Variants in STPG2 observed in about 807,000 individuals in gnomAD.
The protein encoded by STPG2 is sperm tail PG-rich repeat containing 2.
In STPG2, 56 loss-of-function variants were observed where a neutral mutation model predicts 54.2. The ratio of observed to expected loss-of-function variants is 1.03; its 90% CI spans 0.83 to 1.29. STPG2 has a LOEUF of 1.29. STPG2 is among the 50% of genes most tolerant of loss of function. The pLI is 0.00. For synonymous variants in STPG2, 200 were observed against 181.8 expected (o/e 1.10, Z -0.81); for missense variants, 596 against 544.9 (o/e 1.09, Z -0.93).
At chr4:97,447,901 G>T (rs1729266703) in intron 4 of STPG2, among the ~76,000 whole-genome samples, 1 of 152,130 alleles carries the variant, frequency 6.6e-6, no homozygotes, top group South Asian at 2.1e-4. Context: ...AGAATAGTAG[G>T]TCTACTGACA....
chr4:98,042,979 G>C (rs1219853477), intron 5 of STPG2, among the ~76,000 whole-genome samples: 3 of 151,922 alleles, frequency 2.0e-5, no homozygotes, highest in African/African-American at 7.2e-5. Context: ...TATCATTTCA[G>C]ATCTGTCAAT....
chr4:97,540,746 C>T (rs1731677768), intron 4 of STPG2, among the ~76,000 whole-genome samples: 1 of 152,132 alleles, frequency 6.6e-6, no homozygotes. Context: ...CTGAATCCAG[C>T]AGCACATCAA....
chr4:97,650,336 G>A (rs1480442283), intron 10 of STPG2, among the ~76,000 whole-genome samples: 1 of 152,136 alleles, frequency 6.6e-6, no homozygotes, highest in East Asian at 1.9e-4. Context: ...TAAAATATTT[G>A]AAGAGATTTA....
chr4:97,711,539 T>C (rs1486698294), intron 10 of STPG2, among the ~76,000 whole-genome samples: 2 of 152,208 alleles, frequency 1.3e-5, no homozygotes, highest in African/African-American at 4.8e-5. Context: ...CATTAGTCTT[T>C]GTCTTTTGGA....
At chr4:97,911,553 C>T (rs757130025) in intron 8 of STPG2, among the ~76,000 whole-genome samples, 39 of 152,208 alleles carry the variant, frequency 2.6e-4, no homozygotes, top group Admixed American at 1.9e-3. Context: ...CACAACACAG[C>T]ACAGCTGCTG....
intron 10 of STPG2, among the ~76,000 whole-genome samples, chr4:97,585,872 T>C (rs1732985197): frequency 6.6e-6 from 1 of 151,494 alleles, no homozygotes; most frequent in Non-Finnish European, 1.5e-5. Context: ...GACTGTCTGC[T>C]AAAATAAAAA....
intron 10 of STPG2, among the ~76,000 whole-genome samples, chr4:97,646,872 A>G (rs933824994): frequency 6.6e-6 from 1 of 152,068 alleles, no homozygotes. Flanking sequence ...AACTGCACCA[A>G]ACTTTTCTGA....
At chr4:97,739,880 T>G (rs1050620956) in intron 9 of STPG2, among the ~76,000 whole-genome samples, 8 of 152,228 alleles carry the variant, frequency 5.3e-5, no homozygotes, top group African/African-American at 1.9e-4. Context: ...AGCATCATCC[T>G]GATACCAAAG....
chr4:97,897,672 G>C (rs571346940), intron 8 of STPG2, among the ~76,000 whole-genome samples: 36 of 150,236 alleles, frequency 2.4e-4, no homozygotes, highest in African/African-American at 8.0e-4. Flanking sequence ...GTTGAGCTCT[G>C]TTTCATGTGA....
At chr4:97,477,643 A>ATTTTTTTTT (rs561080941) in intron 4 of STPG2, among the ~76,000 whole-genome samples, 1 of 141,204 alleles carries the variant, frequency 7.1e-6, no homozygotes, top group Non-Finnish European at 1.6e-5. Context: ...TGCCCGGCTA[A>ATTTTTTTTT]TTTTTTTTTT....
chr4:97,666,245 G>A (rs1201929521), intron 10 of STPG2, among the ~76,000 whole-genome samples: 1 of 152,156 alleles, frequency 6.6e-6, no homozygotes, highest in African/African-American at 2.4e-5. Flanking sequence ...CATGAACCAT[G>A]CAGCCCCTGC....
At chr4:97,954,899 T>C (rs994361129) in intron 7 of STPG2, among the ~76,000 whole-genome samples, 2 of 152,132 alleles carry the variant, frequency 1.3e-5, no homozygotes, top group Admixed American at 6.5e-5. Context: ...AACAGACTAA[T>C]GGATGATCCA....
intron 8 of STPG2, among the ~76,000 whole-genome samples, chr4:97,890,521 G>A (rs930183626): frequency 4.0e-5 from 6 of 151,436 alleles, no homozygotes; most frequent in African/African-American, 1.5e-4. Context: ...AGCTTAAAAG[G>A]CAACCCACAT....
At chr4:97,666,512 A>G (rs1722531088) in intron 10 of STPG2, among the ~76,000 whole-genome samples, 1 of 152,234 alleles carries the variant, frequency 6.6e-6, no homozygotes, top group South Asian at 2.1e-4. Context: ...AAATTAGGAT[A>G]AGAAGATGCC....
intron 9 of STPG2, among the ~76,000 whole-genome samples, chr4:97,752,526 T>A (rs1159779083): frequency 6.6e-6 from 1 of 151,824 alleles, no homozygotes; most frequent in Non-Finnish European, 1.5e-5. Context: ...ACGTATCATA[T>A]CACCTCTCTG....
At chr4:97,572,823 C>T (rs1469706982) in intron 10 of STPG2, 2 of 151,980 alleles carry the variant, frequency 1.3e-5, no homozygotes, top group African/African-American at 4.8e-5. Flanking sequence ...GTGAAACATA[C>T]TTTAAATAGG....
chr4:97,892,101 C>A (rs768713258), intron 8 of STPG2, among the ~76,000 whole-genome samples: 13 of 152,146 alleles, frequency 8.5e-5, no homozygotes, highest in Admixed American at 2.0e-4. Context: ...GTACTTATCA[C>A]ACCCTATTAT....
intron 10 of STPG2, among the ~76,000 whole-genome samples, chr4:97,617,774 C>T (rs1230935534): frequency 2.0e-5 from 3 of 152,054 alleles, no homozygotes; most frequent in East Asian, 3.9e-4. Context: ...AGTTAGATAC[C>T]AGCACCGGAT....
chr4:97,638,680 C>T (rs1200321623), intron 10 of STPG2, among the ~76,000 whole-genome samples: 11 of 142,110 alleles, frequency 7.7e-5, no homozygotes, highest in Non-Finnish European at 1.5e-4. Flanking sequence ...AAAAAGTGGG[C>T]GAAGGACATG....
Sources: allele counts gnomAD v4.1 joint callset (sites outside exome capture counted in the v4.1 genomes callset), GRCh38; gene constraint gnomAD v4.1.1; transcripts MANE v1.5; gene names NCBI Gene and HGNC (gene_info 2026-07-23, HGNC 2026-07-21).